MARCHF11: variants seen among roughly 807,000 people sequenced by gnomAD.
MARCHF11 encodes the protein membrane associated ring-CH-type finger 11.
A neutral mutation model predicts 37.3 loss-of-function variants in MARCHF11; 29 were observed. That is an observed-to-expected ratio of 0.78 (90% CI 0.58 to 1.06). The LOEUF (loss-of-function observed/expected upper bound fraction) is 1.06. Ranked by LOEUF, MARCHF11 falls within the 50% of genes least tolerant of loss-of-function variation. The probability of loss-of-function intolerance (pLI) is 0.00; values close to 1 mark genes in which losing one functional copy is unlikely to be tolerated. For synonymous variants in MARCHF11, 233 were observed against 228.0 expected (o/e 1.02, Z -0.20); for missense variants, 482 against 533.4 (o/e 0.90, Z 0.95).
chr5:16,135,451 A>G (rs917877295), intron 2 of MARCHF11, among the ~76,000 whole-genome samples: 4 of 152,226 alleles, frequency 2.6e-5, no homozygotes, highest in Non-Finnish European at 5.9e-5. Flanking sequence ...GAATAATTAA[A>G]CATGAGATTA....
At chr5:16,130,234 C>T (rs962578165) in intron 2 of MARCHF11, among the ~76,000 whole-genome samples, 18 of 147,778 alleles carry the variant, frequency 1.2e-4, no homozygotes, top group African/African-American at 3.7e-4. Context: ...ATTAAAAGAC[C>T]GTAAATTCCA....
chr5:16,088,957 A>G (rs1736744639), intron 3 of MARCHF11, among the ~76,000 whole-genome samples: 1 of 152,192 alleles, frequency 6.6e-6, no homozygotes, highest in African/African-American at 2.4e-5. Context: ...GAAGCTTGAA[A>G]TTGTCATATA....
At chr5:16,097,587 G>A (rs997423428) in intron 2 of MARCHF11, among the ~76,000 whole-genome samples, 1 of 152,146 alleles carries the variant, frequency 6.6e-6, no homozygotes, top group African/African-American at 2.4e-5. Flanking sequence ...ATTAATCCCA[G>A]AGCATAAAGG....
intron 3 of MARCHF11, among the ~76,000 whole-genome samples, chr5:16,080,865 T>C (rs2126549404): frequency 6.6e-6 from 1 of 152,302 alleles, no homozygotes; most frequent in South Asian, 2.1e-4. Context: ...TTAATATTAA[T>C]CTTGATCAGC....
chr5:16,109,747 A>T (rs1285376464), intron 2 of MARCHF11, among the ~76,000 whole-genome samples: 2 of 152,194 alleles, frequency 1.3e-5, no homozygotes, highest in African/African-American at 4.8e-5. Context: ...AAGTGGGGGC[A>T]GTCTTGTTGG....
At chr5:16,139,635 T>TA (rs894055778) in intron 2 of MARCHF11, among the ~76,000 whole-genome samples, 1 of 151,960 alleles carries the variant, frequency 6.6e-6, no homozygotes, top group African/African-American at 2.4e-5. Flanking sequence ...TACCATCCAA[T>TA]AAAAAAAGCT....
intron 2 of MARCHF11, among the ~76,000 whole-genome samples, chr5:16,095,337 T>C (rs999746547): frequency 1.3e-5 from 2 of 152,224 alleles, no homozygotes; most frequent in Middle Eastern, 3.4e-3. Context: ...CAAGGGGAGC[T>C]GCCCCTCTAA....
At position 16,134,731 on chromosome 5, in the gene MARCHF11, A is replaced by C. The variant is rs574097249; in HGVS notation, c.693+42995T>G. Reference sequence around the variant, plus strand: ...TAATATAAGAATTTCAACAATAAGAAAGTGACTAAATAAGTTCTGGCATAT... The same window carrying C: ...TAATATAAGAATTTCAACAATAAGACAGTGACTAAATAAGTTCTGGCATAT... On this transcript the variant is annotated intron_variant, in intron 2 of 3. Coordinates refer to ENST00000332432, the MANE Select transcript of MARCHF11 (RefSeq NM_001102562.3). 3.9e-5 allele frequency among the ~76,000 whole-genome samples: 6 copies of C among 152,316 alleles called. No individual in the cohort carries two copies. In the East Asian group the frequency reaches 1.2e-3, roughly 29 times the overall value.
chr5:16,087,265 G>T (rs940663335), intron 3 of MARCHF11, among the ~76,000 whole-genome samples: 1 of 152,174 alleles, frequency 6.6e-6, no homozygotes. Context: ...AGAGTCATTT[G>T]TCAAACATGT....
At chr5:16,175,279 G>C (rs913781651) in intron 2 of MARCHF11, among the ~76,000 whole-genome samples, 1 of 152,220 alleles carries the variant, frequency 6.6e-6, no homozygotes, top group African/African-American at 2.4e-5. Context: ...TAAGTATTGA[G>C]GTGGTTTATT....
chr5:16,093,078 T>C (rs114897246), intron 2 of MARCHF11, among the ~76,000 whole-genome samples: 3,592 of 152,264 alleles, frequency 0.024, 135 homozygotes, highest in African/African-American at 0.082. Context: ...CTTTACCCTT[T>C]AGCAATTTAT....
In MARCHF11 at chr5:16,084,796, A is replaced by T. The variant is rs139091463; in HGVS notation, c.886+6093T>A. On this transcript the variant is annotated intron_variant, in intron 3 of 3. Transcript: ENST00000332432. ...AGTATTAAATATAACTGGTACAATA[A>T]GAAGATATTTTTATCTGATCCTCAT... Among the ~76,000 whole-genome samples the T allele has an allele frequency of 4.0e-3, 615 of 152,120 alleles. 9 individuals carry two copies. The highest frequency in any genetic ancestry group is 0.014 in the African/African-American group (566 of 41,524).
intron 2 of MARCHF11, among the ~76,000 whole-genome samples, chr5:16,151,639 C>A (rs189800110): frequency 1.0e-5 from 1 of 96,872 alleles, no homozygotes; most frequent in East Asian, 3.1e-4. Context: ...TGTGTGCATG[C>A]GTGAGTTGAA....
At chr5:16,107,116 C>T (rs1737056967) in intron 2 of MARCHF11, among the ~76,000 whole-genome samples, 1 of 152,220 alleles carries the variant, frequency 6.6e-6, no homozygotes, top group African/African-American at 2.4e-5. Flanking sequence ...TCCCTACAAA[C>T]ATTCCAAAAT....
At chr5:16,094,114 G>A (rs112380704) in intron 2 of MARCHF11, among the ~76,000 whole-genome samples, 7,124 of 152,218 alleles carry the variant, frequency 0.047, 556 homozygotes, top group African/African-American at 0.16. Flanking sequence ...TCCCTTTGAA[G>A]ACAGCTATCA....
intron 2 of MARCHF11, among the ~76,000 whole-genome samples, chr5:16,167,191 T>TA (rs1738186489): frequency 1.3e-5 from 2 of 151,520 alleles, no homozygotes; most frequent in South Asian, 4.2e-4. Context: ...TGTAAGAGAG[T>TA]AATTATAAGG....
intron 2 of MARCHF11, among the ~76,000 whole-genome samples, chr5:16,118,870 T>C (rs1174421898): frequency 1.3e-5 from 2 of 151,608 alleles, no homozygotes; most frequent in Non-Finnish European, 2.9e-5. Flanking sequence ...AGTGAAGAGG[T>C]GGAAGGAGTG....
rs1215440746 is a variant in MARCHF11 at position 16,090,167 on chromosome 5, C to T, written c.886+722G>A. Among the ~76,000 whole-genome samples, 10 of 152,276 alleles carry T rather than the reference C, an allele frequency of 6.6e-5. No homozygotes were observed. In the East Asian group the frequency reaches 1.9e-3, roughly 29 times the overall value. On this transcript the variant is annotated intron_variant, in intron 3 of 3. Transcript: ENST00000332432. Reference sequence around the variant, plus strand: ...CAGCCACCCACACTGCTCTACCCCTCGCCGACTGGTCACCATCGCGATGCC... The same window carrying T: ...CAGCCACCCACACTGCTCTACCCCTTGCCGACTGGTCACCATCGCGATGCC...
In MARCHF11 at chr5:16,067,370, G is replaced by T; in HGVS notation, c.*101C>A. ...ATATAAAAAGCATAAATTTTAAAAA[G>T]TTCATAGATGTGTTTTTAGAAGTGC... On this transcript the variant is annotated 3_prime_UTR_variant, in exon 4 of 4. Coordinates refer to ENST00000332432, the MANE Select transcript of MARCHF11 (RefSeq NM_001102562.3). 1.8e-6 allele frequency: 2 copies of T among 1,092,750 alleles called. No individual in the cohort carries two copies. Among genetic ancestry groups the T allele is most frequent in the Non-Finnish European group, 1.3e-6 (1 of 758,376 alleles). 67.7% of individuals were successfully genotyped at this position (1,092,750 alleles called of 1,614,324 possible).
Sources: allele counts gnomAD v4.1 joint callset (sites outside exome capture counted in the v4.1 genomes callset), GRCh38; gene constraint gnomAD v4.1.1; transcripts MANE v1.5; gene names NCBI Gene and HGNC (gene_info 2026-07-23, HGNC 2026-07-21).